The following STARD13 variants were observed in gnomAD, a reference collection of about 807,000 sequenced individuals.
The protein encoded by STARD13 is stAR-related lipid transfer protein 13.
A neutral mutation model predicts 106.4 loss-of-function variants in STARD13; 62 were observed. The ratio of observed to expected loss-of-function variants is 0.58; its 90% CI spans 0.48 to 0.72. The LOEUF (loss-of-function observed/expected upper bound fraction) is 0.72. Ranked by LOEUF, STARD13 falls within the 30% of genes least tolerant of loss-of-function variation. The pLI is 0.00. For synonymous variants in STARD13, 565 were observed against 553.0 expected (o/e 1.02, Z -0.31); for missense variants, 1,387 against 1,424.0 (o/e 0.97, Z 0.42).
At chr13:33,390,697 C>T in the STARD13 span, among the ~76,000 whole-genome samples, 1,843 of 152,166 alleles carry the variant, frequency 0.012, 43 homozygotes, top group African/African-American at 0.041. Context: ...AGAGCGAGCT[C>T]CCATTCTAGC....
the STARD13 span, among the ~76,000 whole-genome samples, chr13:33,502,123 G>A: frequency 6.6e-6 from 1 of 152,066 alleles, no homozygotes; most frequent in African/African-American, 2.4e-5. Context: ...TGGATTCCTA[G>A]GTATTTTATT....
At chr13:33,164,079 G>A (rs1234062865) in intron 3 of STARD13, 3 of 152,054 alleles carry the variant, frequency 2.0e-5, no homozygotes, top group Admixed American at 6.6e-5. Context: ...GTCATTTTGA[G>A]TTTGTTTGTT....
chr13:33,510,648 T>C, the STARD13 span, among the ~76,000 whole-genome samples: 11 of 152,168 alleles, frequency 7.2e-5, no homozygotes, highest in Non-Finnish European at 1.3e-4. Flanking sequence ...ATTGACTTTT[T>C]ATTTTTATTT....
At chr13:33,542,547 C>G in the STARD13 span, among the ~76,000 whole-genome samples, 1 of 152,368 alleles carries the variant, frequency 6.6e-6, no homozygotes, top group East Asian at 1.9e-4. Context: ...CGCAAGCGCA[C>G]GGCGAGACCC....
intron 1 of STARD13, among the ~76,000 whole-genome samples, chr13:33,215,973 A>G (rs572890518): frequency 4.6e-5 from 7 of 152,214 alleles, no homozygotes; most frequent in African/African-American, 1.2e-4. Flanking sequence ...GCTCAACATC[A>G]CTAATGATCA....
At chr13:33,550,421 T>C in the STARD13 span, among the ~76,000 whole-genome samples, 3 of 152,194 alleles carry the variant, frequency 2.0e-5, no homozygotes, top group Admixed American at 6.5e-5. Context: ...TTAATTCCTA[T>C]TGAAGCTGTC....
chr13:33,485,845 A>G, the STARD13 span, among the ~76,000 whole-genome samples: 2 of 152,358 alleles, frequency 1.3e-5, no homozygotes, highest in Admixed American at 6.5e-5. Flanking sequence ...AATTATTTCA[A>G]CGCCAAAGAA....
At chr13:33,261,557 C>T (rs574198853) in intron 1 of STARD13, among the ~76,000 whole-genome samples, 3 of 152,102 alleles carry the variant, frequency 2.0e-5, no homozygotes, top group South Asian at 2.1e-4. Context: ...TTTGTTCTCC[C>T]GGCATAAGCC....
the STARD13 span, among the ~76,000 whole-genome samples, chr13:33,383,320 G>T: frequency 6.6e-6 from 1 of 151,782 alleles, no homozygotes; most frequent in Non-Finnish European, 1.5e-5. Flanking sequence ...ATCGCTTGAG[G>T]CTAAAAGGTC....
At chr13:33,616,088 T>TC in the STARD13 span, among the ~76,000 whole-genome samples, 1 of 151,508 alleles carries the variant, frequency 6.6e-6, no homozygotes, top group African/African-American at 2.4e-5. Flanking sequence ...ACACATTTCT[T>TC]GACAGAATTA....
chr13:33,451,483 A>G, the STARD13 span, among the ~76,000 whole-genome samples: 2 of 152,102 alleles, frequency 1.3e-5, no homozygotes, highest in Non-Finnish European at 2.9e-5. Context: ...GGTGTCTTGG[A>G]TGGTTTTCAG....
the STARD13 span, among the ~76,000 whole-genome samples, chr13:33,516,809 C>T: frequency 6.6e-6 from 1 of 151,802 alleles, no homozygotes; most frequent in Non-Finnish European, 1.5e-5. Flanking sequence ...GGCATGGTGC[C>T]TCATGCCTGT....
At chr13:33,542,950 T>C in the STARD13 span, among the ~76,000 whole-genome samples, 1 of 151,904 alleles carries the variant, frequency 6.6e-6, no homozygotes, top group African/African-American at 2.4e-5. Flanking sequence ...GGGACCCGAG[T>C]CTCCGCCCCG....
the STARD13 span, among the ~76,000 whole-genome samples, chr13:33,362,852 G>A: frequency 6.6e-6 from 1 of 152,170 alleles, no homozygotes; most frequent in Non-Finnish European, 1.5e-5. Context: ...CAAGGACCTT[G>A]TCTTTCTTTC....
chr13:33,145,364 G>T (rs1314731303), intron 3 of STARD13, among the ~76,000 whole-genome samples: 3 of 152,180 alleles, frequency 2.0e-5, no homozygotes, highest in Non-Finnish European at 4.4e-5. Context: ...TATTAGCAAG[G>T]ATTCAGAACT....
intron 1 of STARD13, among the ~76,000 whole-genome samples, chr13:33,293,958 ATTCT>A (rs1892389396): frequency 6.6e-6 from 1 of 152,160 alleles, no homozygotes; most frequent in Non-Finnish European, 1.5e-5. Context: ...TATCCTATTA[ATTCT>A]TTCCCTCTAG....
Position 33,240,642 on chromosome 13 carries a change from AG to A in STARD13, c.169+44827del, listed in dbSNP as rs578164938. 2.4e-3 allele frequency among the ~76,000 whole-genome samples: 360 copies of A among 151,860 alleles called. 2 individuals carry two copies. Among genetic ancestry groups the A allele is most frequent in the South Asian group, 0.016 (76 of 4,796 alleles). Reference sequence around the variant, plus strand: ...AGTATCTTATCCTTAAGGATCCCTAAGTTTATCCTTAAGTATTTTATCCTTA... The same window carrying A: ...AGTATCTTATCCTTAAGGATCCCTAATTTATCCTTAAGTATTTTATCCTTA... On this transcript the variant is annotated intron_variant, in intron 1 of 13. Coordinates refer to ENST00000336934, the MANE Select transcript of STARD13 (RefSeq NM_178006.4).
chr13:33,204,921 A>T (rs564685527), intron 1 of STARD13, among the ~76,000 whole-genome samples: 5 of 152,382 alleles, frequency 3.3e-5, no homozygotes, highest in African/African-American at 1.2e-4. Context: ...GCTAATGCAG[A>T]TGCAAAATAA....
In STARD13 at chr13:33,130,915, A is replaced by G. The variant is rs758313967; in HGVS notation, c.388-626T>C. Among the ~76,000 whole-genome samples the G allele has an allele frequency of 2.0e-4, 31 of 152,366 alleles. No homozygotes were observed. Among genetic ancestry groups the G allele is most frequent in the Admixed American group, 7.2e-4 (11 of 15,312 alleles). ...TCTGGAGATCGCTATTTGTGATCCA[A>G]TCCGGCTACTCTGCATGAGCGTCTT... On this transcript the variant is annotated intron_variant, in intron 4 of 13. Transcript: ENST00000336934. The surrounding 1 kb of genome is among the most constrained non-coding windows in gnomAD (Gnocchi z 4.1).
Sources: gnomAD v4.1 joint callset for allele counts (sites outside exome capture counted in the v4.1 genomes callset) on GRCh38, gnomAD v4.1.1 for gene constraint, Gnocchi (gnomAD v3.1) non-coding constraint, MANE v1.5 for transcripts, NCBI Gene and HGNC (gene_info 2026-07-23, HGNC 2026-07-21) for gene names.